RANBP2: variants seen among roughly 807,000 people sequenced by gnomAD.
RANBP2 encodes E3 SUMO-protein ligase RanBP2.
Under a neutral mutation model 303.6 loss-of-function variants are expected in RANBP2, and 57 were observed. The observed-to-expected ratio is 0.19, with a 90% CI of 0.15 to 0.23. RANBP2 has a LOEUF of 0.23. Ranked by LOEUF, RANBP2 falls within the 10% of genes least tolerant of loss-of-function variation. RANBP2 has a pLI of 1.00. For missense variants in RANBP2, 3,138 were observed against 3,780.8 expected (o/e 0.83, Z 4.46); for synonymous variants, 1,167 against 1,301.5 (o/e 0.90, Z 2.23).
chr2:109,519,574 T>A, the RANBP2 span, among the ~76,000 whole-genome samples: 3 of 152,168 alleles, frequency 2.0e-5, no homozygotes, highest in African/African-American at 4.8e-5. Flanking sequence ...GCTGGGGAGA[T>A]CATACTGGTC....
the RANBP2 span, among the ~76,000 whole-genome samples, chr2:109,648,871 C>G: frequency 6.6e-6 from 1 of 151,848 alleles, no homozygotes; most frequent in Non-Finnish European, 1.5e-5. Flanking sequence ...CCAGACTGGT[C>G]TTGAACTCCA....
the RANBP2 span, among the ~76,000 whole-genome samples, chr2:108,806,915 T>A: frequency 6.6e-6 from 1 of 152,134 alleles, no homozygotes; most frequent in Non-Finnish European, 1.5e-5. Flanking sequence ...AGGATCTCAG[T>A]TGAAAGGAGC....
At chr2:109,613,292 A>T in the RANBP2 span, 1 of 700,966 alleles carries the variant, frequency 1.4e-6, no homozygotes, top group Non-Finnish European at 2.0e-6. Context: ...CAAGGCGGGA[A>T]AAAAACGGTT....
chr2:108,773,858 AG>A (rs1349866066), intron 23 of RANBP2, among the ~76,000 whole-genome samples: 1 of 152,192 alleles, frequency 6.6e-6, no homozygotes, highest in Non-Finnish European at 1.5e-5. Flanking sequence ...CATGTTGACC[AG>A]GATGGTCTCA....
At chr2:109,692,061 C>A in the RANBP2 span, among the ~76,000 whole-genome samples, 3 of 152,186 alleles carry the variant, frequency 2.0e-5, no homozygotes, top group Non-Finnish European at 4.4e-5. Flanking sequence ...GGATTACAGG[C>A]GTGAGCCACC....
At chr2:109,371,781 A>G in the RANBP2 span, 1 of 979,456 alleles carries the variant, frequency 1.0e-6, no homozygotes, top group Non-Finnish European at 1.6e-6. Context: ...CTAAGAGAGA[A>G]AGAGGATCCT....
the RANBP2 span, among the ~76,000 whole-genome samples, chr2:109,509,397 A>C: frequency 6.6e-6 from 1 of 152,110 alleles, no homozygotes; most frequent in Non-Finnish European, 1.5e-5. Context: ...AAAGTGCTGG[A>C]GGCTGGAAGT....
chr2:109,541,307 G>T, the RANBP2 span, among the ~76,000 whole-genome samples: 151 of 152,304 alleles, frequency 9.9e-4, no homozygotes, highest in African/African-American at 3.6e-3. Context: ...AAGTCTGTAA[G>T]ACGTTATAAT....
At chr2:108,855,934 A>T in the RANBP2 span, among the ~76,000 whole-genome samples, 2 of 152,184 alleles carry the variant, frequency 1.3e-5, no homozygotes, top group Admixed American at 6.5e-5. Flanking sequence ...TATTACTTGG[A>T]TAGCATGAAC....
At chr2:108,896,948 C>A in the RANBP2 span, 1 of 1,613,396 alleles carries the variant, frequency 6.2e-7, no homozygotes, top group East Asian at 2.2e-5. Flanking sequence ...GGCACAACCC[C>A]CGCCCACTCC....
the RANBP2 span, among the ~76,000 whole-genome samples, chr2:109,132,516 C>A: frequency 4.6e-5 from 7 of 152,116 alleles, no homozygotes; most frequent in African/African-American, 1.7e-4. Flanking sequence ...TGAGATAAAG[C>A]GCTTTTGTGG....
the RANBP2 span, among the ~76,000 whole-genome samples, chr2:109,433,018 A>T: frequency 6.6e-6 from 1 of 152,250 alleles, no homozygotes; most frequent in African/African-American, 2.4e-5. Context: ...TTCAGCGTGT[A>T]TGCTATGCGT....
At chr2:109,196,189 G>T in the RANBP2 span, among the ~76,000 whole-genome samples, 4 of 152,346 alleles carry the variant, frequency 2.6e-5, no homozygotes, top group African/African-American at 9.6e-5. Flanking sequence ...GCAGCCTGGA[G>T]GCCTTGTCCA....
chr2:109,506,063 A>G, the RANBP2 span, among the ~76,000 whole-genome samples: 1 of 152,124 alleles, frequency 6.6e-6, no homozygotes, highest in East Asian at 1.9e-4. Flanking sequence ...GCAAACAAGT[A>G]ATTTGCCTTT....
the RANBP2 span, among the ~76,000 whole-genome samples, chr2:109,373,723 A>T: frequency 3.3e-5 from 5 of 152,204 alleles, no homozygotes; most frequent in African/African-American, 1.2e-4. Flanking sequence ...TGCACAGATT[A>T]TGCTGCTGTA....
At chr2:108,989,828 A>T in the RANBP2 span, among the ~76,000 whole-genome samples, 871 of 152,206 alleles carry the variant, frequency 5.7e-3, 8 homozygotes, top group African/African-American at 0.02. Flanking sequence ...GGGGGGGAAA[A>T]CAGCCTTAAA....
At chr2:109,574,675 T>C in the RANBP2 span, 6 of 1,610,378 alleles carry the variant, frequency 3.7e-6, no homozygotes, top group Non-Finnish European at 5.1e-6. Flanking sequence ...GATGCGAGAA[T>C]CATGGTAGGT....
the RANBP2 span, among the ~76,000 whole-genome samples, chr2:109,380,133 T>G: frequency 6.6e-6 from 1 of 152,216 alleles, no homozygotes; most frequent in African/African-American, 2.4e-5. Context: ...GATCCACACA[T>G]ACATGGGTGT....
chr2:109,431,912 G>T, the RANBP2 span, among the ~76,000 whole-genome samples: 7 of 152,040 alleles, frequency 4.6e-5, no homozygotes, highest in Non-Finnish European at 1.0e-4. Context: ...CACAATTACT[G>T]CAAGGAAGTG....
Sources: gnomAD v4.1 joint callset for allele counts (sites outside exome capture counted in the v4.1 genomes callset) on GRCh38, gnomAD v4.1.1 for gene constraint, MANE v1.5 for transcripts, NCBI Gene and HGNC (gene_info 2026-07-23, HGNC 2026-07-21) for gene names.